Variants in SPATA6 observed in about 807,000 individuals in gnomAD.
SPATA6 encodes spermatogenesis-associated protein 6.
In SPATA6, 56 loss-of-function variants were observed where a neutral mutation model predicts 65.3. The observed-to-expected ratio is 0.86, with a 90% confidence interval of 0.69 to 1.07. SPATA6 has a LOEUF of 1.07. Ranked by LOEUF, SPATA6 falls within the 50% of genes least tolerant of loss-of-function variation. The pLI is 0.00. For synonymous variants in SPATA6, 199 were observed against 213.2 expected (o/e 0.93, Z 0.58); for missense variants, 590 against 594.8 (o/e 0.99, Z 0.08).
chr1:48,462,557 G>A (rs903128735), intron 1 of SPATA6, among the ~76,000 whole-genome samples: 1 of 151,954 alleles, frequency 6.6e-6, no homozygotes, highest in Non-Finnish European at 1.5e-5. Context: ...ATTACAAATG[G>A]GTAGATCATG....
At chr1:48,464,818 A>G (rs1657696626) in intron 1 of SPATA6, among the ~76,000 whole-genome samples, 1 of 152,136 alleles carries the variant, frequency 6.6e-6, no homozygotes, top group African/African-American at 2.4e-5. Flanking sequence ...TGGGGTTCTG[A>G]TAATATTCTA....
chr1:48,414,608 G>A (rs2803280), intron 3 of SPATA6, among the ~76,000 whole-genome samples: 21,671 of 152,018 alleles, frequency 0.14, 1,756 homozygotes, highest in African/African-American at 0.21. Flanking sequence ...AAACTAAGAG[G>A]GGAAAATCAG....
intron 11 of SPATA6, among the ~76,000 whole-genome samples, chr1:48,312,010 G>A (rs868672953): frequency 2.0e-5 from 3 of 152,174 alleles, no homozygotes; most frequent in African/African-American, 4.8e-5. Flanking sequence ...AGGTGGCAGC[G>A]AGGCTGGGGG....
At chr1:48,386,602 T>G (rs1649494400) in intron 8 of SPATA6, among the ~76,000 whole-genome samples, 1 of 152,208 alleles carries the variant, frequency 6.6e-6, no homozygotes, top group Non-Finnish European at 1.5e-5. Flanking sequence ...CAGTGAGGAC[T>G]GGCACCCAAG....
At chr1:48,434,325 A>G (rs996206394) in intron 3 of SPATA6, among the ~76,000 whole-genome samples, 16 of 152,036 alleles carry the variant, frequency 1.1e-4, no homozygotes, top group Non-Finnish European at 2.4e-4. Flanking sequence ...AGTGAGATAA[A>G]AAATTTAAAA....
At chr1:48,288,684 C>A in the SPATA6 span, among the ~76,000 whole-genome samples, 1 of 152,218 alleles carries the variant, frequency 6.6e-6, no homozygotes, top group Non-Finnish European at 1.5e-5. Context: ...GCAAACGGCA[C>A]ACCAGGATAT....
At chr1:48,264,089 A>G in the SPATA6 span, among the ~76,000 whole-genome samples, 2 of 152,304 alleles carry the variant, frequency 1.3e-5, no homozygotes, top group East Asian at 1.9e-4. Context: ...CAAGTGCTCA[A>G]TAAATATGCT....
intron 12 of SPATA6, among the ~76,000 whole-genome samples, chr1:48,304,519 T>C (rs1019136598): frequency 2.0e-5 from 3 of 152,162 alleles, no homozygotes; most frequent in African/African-American, 7.2e-5. Flanking sequence ...TTATTGTATT[T>C]ATTTTGTAGA....
At position 48,366,484 on chromosome 1, in the gene SPATA6, T is replaced by A. The variant is rs536435029; in HGVS notation, c.910-6714A>T. On this transcript the variant is annotated intron_variant, in intron 9 of 12. Coordinates refer to ENST00000371847, the MANE Select transcript of SPATA6 (RefSeq NM_019073.4). ...TTGCCACAATTTCAGAGGCTGTTAT[T>A]GGTCTATTCAGAGTCAACTTCTTCC... 2.0e-5 allele frequency among the ~76,000 whole-genome samples: 3 copies of A among 151,940 alleles called. No individual in the cohort carries two copies. The East Asian group carries it at 5.8e-4, about 29-fold the overall frequency.
At chr1:48,378,711 CT>C (rs777437348) in intron 9 of SPATA6, among the ~76,000 whole-genome samples, 2 of 152,198 alleles carry the variant, frequency 1.3e-5, no homozygotes, top group Non-Finnish European at 2.9e-5. Context: ...TCATCTCCCC[CT>C]GGGTACCTCC....
chr1:48,324,623 GTATGT>G (rs1427299287), intron 11 of SPATA6, among the ~76,000 whole-genome samples: 1 of 151,974 alleles, frequency 6.6e-6, no homozygotes, highest in Non-Finnish European at 1.5e-5. Context: ...TACTAAAAAA[GTATGT>G]TATAAAATTC....
intron 11 of SPATA6, among the ~76,000 whole-genome samples, chr1:48,322,974 G>C (rs969374533): frequency 6.6e-6 from 1 of 152,202 alleles, no homozygotes; most frequent in Non-Finnish European, 1.5e-5. Flanking sequence ...CTGTTGGTAG[G>C]AGTGTAAGTT....
intron 10 of SPATA6, among the ~76,000 whole-genome samples, chr1:48,358,188 C>G (rs1420592490): frequency 6.6e-6 from 1 of 151,932 alleles, no homozygotes; most frequent in East Asian, 1.9e-4. Flanking sequence ...ACAAATTGAT[C>G]AATCCAGAAA....
chr1:48,354,811 G>A (rs991393784), intron 11 of SPATA6, among the ~76,000 whole-genome samples: 2 of 152,024 alleles, frequency 1.3e-5, no homozygotes, highest in African/African-American at 2.4e-5. Context: ...CTTCTGCAGA[G>A]AACTGTTTCA....
the SPATA6 span, among the ~76,000 whole-genome samples, chr1:48,270,982 T>C: frequency 1.3e-5 from 2 of 152,170 alleles, no homozygotes; most frequent in Non-Finnish European, 2.9e-5. Context: ...TTGGTTGCAT[T>C]TGAAAGCTAG....
At chr1:48,469,770 CAT>C (rs1658091065) in intron 1 of SPATA6, among the ~76,000 whole-genome samples, 1 of 150,650 alleles carries the variant, frequency 6.6e-6, no homozygotes, top group African/African-American at 2.5e-5. Flanking sequence ...ATCAATCAAA[CAT>C]GTTTAACTTT....
At chr1:48,420,172 A>T (rs978523749) in intron 3 of SPATA6, among the ~76,000 whole-genome samples, 3 of 152,014 alleles carry the variant, frequency 2.0e-5, no homozygotes, top group African/African-American at 7.2e-5. Flanking sequence ...ACCCAAGAAG[A>T]CAGTTTCTGA....
intron 5 of SPATA6, among the ~76,000 whole-genome samples, chr1:48,409,354 C>T (rs1651998821): frequency 6.6e-6 from 1 of 152,258 alleles, no homozygotes; most frequent in South Asian, 2.1e-4. Context: ...TCTTGGGCAG[C>T]TCCGCCCCTG....
intron 11 of SPATA6, among the ~76,000 whole-genome samples, chr1:48,312,777 G>A (rs768973812): frequency 2.6e-5 from 4 of 152,100 alleles, no homozygotes; most frequent in Non-Finnish European, 4.4e-5. Context: ...AGAACCCATG[G>A]CAAAGAAGTT....
Sources: gnomAD v4.1 joint callset for allele counts (sites outside exome capture counted in the v4.1 genomes callset) on GRCh38, gnomAD v4.1.1 for gene constraint, MANE v1.5 for transcripts, NCBI Gene and HGNC (gene_info 2026-07-23, HGNC 2026-07-21) for gene names.